Variants in RIPOR2 observed in about 807,000 individuals in gnomAD.
RIPOR2 encodes RHO family interacting cell polarization regulator 2.
RIPOR2 carries 39 observed loss-of-function variants against 114.5 expected under a neutral mutation model. The ratio of observed to expected loss-of-function variants is 0.34; its 90% confidence interval spans 0.26 to 0.44. The LOEUF is 0.44. Among genes scored for constraint, RIPOR2 ranks in the 20% least tolerant of loss-of-function variants. The pLI is 1.00. For synonymous variants in RIPOR2, 445 were observed against 484.4 expected (o/e 0.92, Z 1.07); for missense variants, 1,007 against 1,255.1 (o/e 0.80, Z 2.99).
chr6:24,976,632 G>C lies in RIPOR2; in HGVS notation c.76+65219C>G, dbSNP rs552149423. On this transcript the variant is annotated intron_variant, in intron 1 of 13. Coordinates refer to the RIPOR2 transcript ENST00000510784. ...CTGGAGAGAAAGGATTTGGTTATAA[G>C]GGTTCCTGCTTTCACAGAATTATTC... The C allele has an allele frequency of 2.5e-6, 4 of 1,609,746 alleles. No homozygotes were observed. In the Admixed American group the frequency reaches 5.0e-5, roughly 20 times the overall value.
In RIPOR2 at chr6:24,872,873, G is replaced by T; in HGVS notation, c.423+8C>A. The T allele has an allele frequency of 6.3e-7, 1 of 1,584,356 alleles. No individual in the cohort carries two copies. Among genetic ancestry groups the T allele is most frequent in the Non-Finnish European group, 8.7e-7 (1 of 1,154,578 alleles). On this transcript the variant is annotated splice_region_variant and intron_variant, in intron 4 of 21. Transcript: ENST00000643898. ...GTGTTAACATCATAATGACTGCATA[G>T]TACCTACCAGGCGAGAGTTTCTTTT...
chr6:24,841,098 C>T (rs1761673165), intron 13 of RIPOR2, among the ~76,000 whole-genome samples: 1 of 152,188 alleles, frequency 6.6e-6, no homozygotes, highest in Admixed American at 6.5e-5. Context: ...GGAAAGAAGT[C>T]TCTGATCACC....
At chr6:25,033,207 CAAAAAAAA>C (rs55686113) in intron 1 of RIPOR2, among the ~76,000 whole-genome samples, 2 of 148,542 alleles carry the variant, frequency 1.3e-5, no homozygotes, top group Non-Finnish European at 1.5e-5. Context: ...GATCTCATCT[CAAAAAAAA>C]AAAAAAGTTT....
intron 1 of RIPOR2, among the ~76,000 whole-genome samples, chr6:24,878,184 G>T (rs1303106278): frequency 6.6e-6 from 1 of 152,204 alleles, no homozygotes; most frequent in Non-Finnish European, 1.5e-5. Context: ...GAAACTTGGG[G>T]TTCACTATAT....
intron 19 of RIPOR2, among the ~76,000 whole-genome samples, chr6:24,821,791 C>T (rs1172046240): frequency 1.3e-5 from 2 of 152,184 alleles, no homozygotes; most frequent in Non-Finnish European, 2.9e-5. Context: ...TGCCATCAAC[C>T]CCCTCCAAAG....
chr6:24,915,579 G>C (rs1230716673), intron 1 of RIPOR2, among the ~76,000 whole-genome samples: 1 of 152,104 alleles, frequency 6.6e-6, no homozygotes, highest in Non-Finnish European at 1.5e-5. Flanking sequence ...TGGCCAGGCT[G>C]GTCTCAAACT....
At chr6:24,944,176 G>A (rs1166660275) in intron 1 of RIPOR2, among the ~76,000 whole-genome samples, 2 of 152,076 alleles carry the variant, frequency 1.3e-5, no homozygotes, top group African/African-American at 2.4e-5. Flanking sequence ...TACTTGAGAA[G>A]GCCCTAAGGT....
chr6:24,988,773 G>A (rs1480096116), intron 1 of RIPOR2, among the ~76,000 whole-genome samples: 1 of 152,102 alleles, frequency 6.6e-6, no homozygotes, highest in Admixed American at 6.5e-5. Context: ...TCCAGAACAG[G>A]GGTTGGTTAG....
chr6:24,971,755 T>C (rs654285), intron 1 of RIPOR2, among the ~76,000 whole-genome samples: 148,915 of 152,340 alleles, frequency 0.98, 72,803 homozygotes, highest in East Asian at 1. Flanking sequence ...GGCAGTGACT[T>C]GTTGAGCCTT....
At chr6:25,005,726 T>C (rs1203099203) in intron 1 of RIPOR2, among the ~76,000 whole-genome samples, 3 of 107,404 alleles carry the variant, frequency 2.8e-5, no homozygotes, top group East Asian at 2.7e-4. Flanking sequence ...TATATATATA[T>C]ATATATATAT....
rs1760750867 is a variant in RIPOR2 at position 24,832,287 on chromosome 6, C to T, written c.2313G>A (p.Glu771=). 3 of 1,551,662 alleles carry T rather than the reference C, an allele frequency of 1.9e-6. No individual in the cohort carries two copies. The highest frequency in any genetic ancestry group is 2.6e-6 in the Non-Finnish European group (3 of 1,146,986). ...VMEKLAAVSD[E]NIGNISSVVE... ...CAACAGAACTGATATTTCCTATGTT[C>T]TCATCACTGACAGCTGCGAGTTTCT... The change falls in exon 16 of 22, where the codon GAG becomes GAA. Residue 771 remains glutamate (E), a synonymous_variant. Coordinates refer to ENST00000643898, the MANE Select transcript of RIPOR2 (RefSeq NM_001286445.3).
At chr6:25,039,555 A>G (rs1283400379) in intron 1 of RIPOR2, among the ~76,000 whole-genome samples, 28 of 152,232 alleles carry the variant, frequency 1.8e-4, no homozygotes. Context: ...AGAAATCAGC[A>G]CAGTATTCAG....
chr6:24,985,135 T>C (rs1239131151), intron 1 of RIPOR2, among the ~76,000 whole-genome samples: 1 of 152,182 alleles, frequency 6.6e-6, no homozygotes, highest in Non-Finnish European at 1.5e-5. Context: ...AGATCTTAAT[T>C]TTTTCCAGTT....
intron 1 of RIPOR2, among the ~76,000 whole-genome samples, chr6:25,033,086 C>T (rs985594665): frequency 6.6e-6 from 1 of 152,096 alleles, no homozygotes; most frequent in Non-Finnish European, 1.5e-5. Context: ...TTCCTGTGGT[C>T]CCAGCTGCTT....
intron 1 of RIPOR2, among the ~76,000 whole-genome samples, chr6:24,996,862 AC>A (rs1228468922): frequency 6.6e-6 from 1 of 152,210 alleles, no homozygotes; most frequent in Non-Finnish European, 1.5e-5. Flanking sequence ...GAGCCCTTAA[AC>A]TTTTCAATTT....
At chr6:25,010,407 C>T (rs996109161) in intron 1 of RIPOR2, among the ~76,000 whole-genome samples, 2 of 152,176 alleles carry the variant, frequency 1.3e-5, no homozygotes, top group Admixed American at 6.5e-5. Flanking sequence ...CTGACGCCTT[C>T]ACCAGATGCA....
intron 1 of RIPOR2, among the ~76,000 whole-genome samples, chr6:24,935,239 C>T (rs546311299): frequency 7.2e-4 from 106 of 146,312 alleles, no homozygotes; most frequent in African/African-American, 2.6e-3. Context: ...ACCCGGGAGA[C>T]GGAGGTTGCA....
chr6:24,846,148 G>A (rs1227933360), intron 12 of RIPOR2, among the ~76,000 whole-genome samples: 1 of 152,098 alleles, frequency 6.6e-6, no homozygotes, highest in Non-Finnish European at 1.5e-5. Flanking sequence ...ATGAACATAT[G>A]AGCATGAATA....
exon 1 of RIPOR2, chr6:25,041,855 G>A: frequency 1.4e-6 from 1 of 702,760 alleles, no homozygotes; most frequent in Non-Finnish European, 2.6e-6. Context: ...ACTCACGGTT[G>A]AGCTGGCGCC....
Sources: gnomAD v4.1 joint callset for allele counts (sites outside exome capture counted in the v4.1 genomes callset) on GRCh38, gnomAD v4.1.1 for gene constraint, MANE v1.5 for transcripts, NCBI Gene and HGNC (gene_info 2026-07-23, HGNC 2026-07-21) for gene names.